UBQLN1: variants seen among roughly 807,000 people sequenced by gnomAD.
UBQLN1 encodes the protein ubiquilin-1.
In UBQLN1, 13 loss-of-function variants were observed where a neutral mutation model predicts 65.4. The ratio of observed to expected loss-of-function variants is 0.20; its 90% CI spans 0.13 to 0.32. UBQLN1 has a LOEUF of 0.32. Among genes scored for constraint, UBQLN1 ranks in the 10% least tolerant of loss-of-function variants. The pLI is 1.00. For missense variants in UBQLN1, 561 were observed against 724.0 expected (o/e 0.77, Z 2.58); for synonymous variants, 267 against 247.8 (o/e 1.08, Z -0.73).
chr9:83,669,159 C>T, intron 7 of UBQLN1, 26 bp downstream of exon 7: 2 of 1,597,172 alleles, frequency 1.3e-6, no homozygotes, highest in Non-Finnish European at 1.7e-6. Flanking sequence ...ACTGCACAGT[C>T]TTTTTCAATA....
intron 6 of UBQLN1, among the ~76,000 whole-genome samples, chr9:83,676,289 A>G (rs763436448): frequency 1.3e-5 from 2 of 152,264 alleles, no homozygotes; most frequent in African/African-American, 2.4e-5. Flanking sequence ...TTAACATGAA[A>G]TGTTAAAGTA....
intron 4 of UBQLN1, among the ~76,000 whole-genome samples, 175 bp downstream of exon 4, chr9:83,679,600 G>A (rs1321985696): frequency 6.6e-5 from 10 of 152,150 alleles, no homozygotes; most frequent in Admixed American, 3.3e-4. Context: ...CAATTTAACA[G>A]AAAATTCAGA....
intron 1 of UBQLN1, among the ~76,000 whole-genome samples, chr9:83,704,822 C>T (rs567622066): frequency 2.0e-5 from 1 of 48,878 alleles, no homozygotes; most frequent in African/African-American, 7.0e-5. Flanking sequence ...GAGACTCCAT[C>T]TCAAAAAAAA....
chr9:83,689,785 C>T (rs1001407643), intron 1 of UBQLN1, among the ~76,000 whole-genome samples: 3 of 152,154 alleles, frequency 2.0e-5, no homozygotes, highest in Admixed American at 6.5e-5. Context: ...GCAACACAAC[C>T]AGCACAGCTC....
chr9:83,663,427 G>A (rs2131139468), intron 10 of UBQLN1, among the ~76,000 whole-genome samples: 1 of 152,256 alleles, frequency 6.6e-6, no homozygotes, highest in South Asian at 2.1e-4. Flanking sequence ...AGCTACCGCA[G>A]GAGGTGGTGT....
chr9:83,666,419 A>G lies in UBQLN1; in HGVS notation c.1263T>C (p.Asn421=). The G allele has an allele frequency of 6.2e-7, 1 of 1,613,814 alleles. No homozygotes were observed. The highest frequency in any genetic ancestry group is 1.1e-5 in the South Asian group (1 of 91,066). Residue 421 remains asparagine, a synonymous_variant, in exon 8 of 11, where the codon AAT becomes AAC. Coordinates refer to ENST00000376395, the MANE Select transcript of UBQLN1 (RefSeq NM_013438.5). ...GCTGAGGATTTCCAGCAAATAGGGGATTATTCAGCATCATCTATGGGGCAA... is the reference window on the plus strand; with the variant it reads ...GCTGAGGATTTCCAGCAAATAGGGGGTTATTCAGCATCATCTATGGGGCAA... ...PDLAAQMMLN[N]PLFAGNPQLQ... is the part of the protein sequence containing the mutation.
intron 6 of UBQLN1, among the ~76,000 whole-genome samples, chr9:83,676,466 T>C (rs1019972565): frequency 2.0e-5 from 3 of 152,146 alleles, no homozygotes; most frequent in African/African-American, 7.2e-5. Flanking sequence ...CCCTTTAAAG[T>C]AAGAACATTG....
intron 9 of UBQLN1, among the ~76,000 whole-genome samples, chr9:83,664,601 GTAAA>G (rs1831612911): frequency 6.6e-6 from 1 of 151,722 alleles, no homozygotes; most frequent in African/African-American, 2.4e-5. Context: ...AAATAAATAA[GTAAA>G]TAAATAAATA....
At chr9:83,703,275 A>T (rs1832341579) in intron 1 of UBQLN1, among the ~76,000 whole-genome samples, 1 of 152,144 alleles carries the variant, frequency 6.6e-6, no homozygotes, top group South Asian at 2.1e-4. Flanking sequence ...TGAAATCTGA[A>T]ATGCTCCAAA....
chr9:83,660,694 G>T lies in UBQLN1; in HGVS notation c.*1093C>A. ...CCCCACCCCGTCCCCCTTTCTCTGA[G>T]GCTCTGAAAAGCACAATATTTAACT... On this transcript the variant is annotated 3_prime_UTR_variant, in exon 11 of 11. Coordinates refer to ENST00000376395, the MANE Select transcript of UBQLN1 (RefSeq NM_013438.5). 1 of 117,478 alleles carries T rather than the reference G, an allele frequency of 8.5e-6. No homozygotes were observed. Among genetic ancestry groups the T allele is most frequent in the Non-Finnish European group, 1.6e-5 (1 of 62,752 alleles). The allele number at this position is 117,478 out of a possible 1,614,324, so 7.3% of individuals were successfully genotyped here. A position where few individuals can be genotyped will look rare whatever the true frequency, so the allele number is the denominator to read the frequency against.
At chr9:83,671,801 C>A (rs562216201) in intron 6 of UBQLN1, among the ~76,000 whole-genome samples, 8 of 152,334 alleles carry the variant, frequency 5.3e-5, no homozygotes, top group South Asian at 2.1e-4. Context: ...TTAGCCCCAA[C>A]AGTCAGCCTT....
chr9:83,700,061 CCACT>C (rs1017228522), intron 1 of UBQLN1, among the ~76,000 whole-genome samples: 12 of 152,312 alleles, frequency 7.9e-5, no homozygotes, highest in Non-Finnish European at 1.0e-4. Flanking sequence ...TACCAACAAA[CCACT>C]CACTATGTAA....
Position 83,707,493 on chromosome 9 carries a change from G to A in UBQLN1, c.180+7C>T. 3 of 1,603,894 alleles carry A rather than the reference G, an allele frequency of 1.9e-6. No individual in the cohort carries two copies. The highest frequency in any genetic ancestry group is 2.2e-5 in the South Asian group (2 of 90,476). On this transcript the variant is annotated splice_region_variant and intron_variant, in intron 1 of 10. Transcript: ENST00000376395. ...CCCATCCCGGCCCGAGCCCCAGGCG[G>A]CCTCACCTGCTGGACGGAGCTATTC...
At chr9:83,673,648 G>A (rs185282629) in intron 6 of UBQLN1, among the ~76,000 whole-genome samples, 95 of 149,202 alleles carry the variant, frequency 6.4e-4, no homozygotes, top group Middle Eastern at 3.6e-3. Flanking sequence ...TTTGTGAAAC[G>A]TGAAAACTAT....
At position 83,681,789 on chromosome 9, in the gene UBQLN1, T is replaced by C. The variant is rs184560403; in HGVS notation, c.448+1162A>G. On this transcript the variant is annotated intron_variant, in intron 3 of 10. Transcript: ENST00000376395. The stretch of plus-strand genomic sequence containing the variant: ...TGCCAAAGGACTACAAGAAATGATA[T>C]ATGCCACTTCTGGCCAAAGTATAGC... 6.6e-5 allele frequency among the ~76,000 whole-genome samples: 10 copies of C among 152,320 alleles called. No individual in the cohort carries two copies. The East Asian group carries it at 1.4e-3, about 21-fold the overall frequency.
chr9:83,690,892 C>T (rs1246503498), intron 1 of UBQLN1, among the ~76,000 whole-genome samples: 1 of 152,198 alleles, frequency 6.6e-6, no homozygotes, highest in Non-Finnish European at 1.5e-5. Flanking sequence ...AATCCCAACA[C>T]TTTGGGAGGC....
chr9:83,681,319 C>A (rs1831936496), intron 3 of UBQLN1, among the ~76,000 whole-genome samples: 1 of 152,202 alleles, frequency 6.6e-6, no homozygotes, highest in Non-Finnish European at 1.5e-5. Context: ...TTACTGAGCA[C>A]TTTTTATATA....
At chr9:83,664,927 A>AG in intron 9 of UBQLN1, 103 bp downstream of exon 9, 1 of 500,672 alleles carries the variant, frequency 2.0e-6, no homozygotes, top group Non-Finnish European at 2.9e-6. Flanking sequence ...TCCCACCAAA[A>AG]AAAAAAAAAA....
chr9:83,660,067 G>T lies in UBQLN1; in HGVS notation c.*1720C>A, dbSNP rs144629014. On this transcript the variant is annotated 3_prime_UTR_variant, in exon 11 of 11. Coordinates refer to ENST00000376395, the MANE Select transcript of UBQLN1 (RefSeq NM_013438.5). ...AATACCACCATTTGCCAGTACAGAA[G>T]TTTTTAAACCAAACTGAGGCATAAA... The T allele has an allele frequency of 1.3e-5, 2 of 152,336 alleles. No homozygotes were observed. Among genetic ancestry groups the T allele is most frequent in the African/African-American group, 4.8e-5 (2 of 41,582 alleles). 9.4% of individuals were successfully genotyped at this position (152,336 alleles called of 1,614,324 possible).
Sources: allele counts gnomAD v4.1 joint callset (sites outside exome capture counted in the v4.1 genomes callset), GRCh38; gene constraint gnomAD v4.1.1; transcripts MANE v1.5; gene names NCBI Gene and HGNC (gene_info 2026-07-23, HGNC 2026-07-21).